EPC2: variants seen among roughly 807,000 people sequenced by gnomAD.
EPC2 encodes enhancer of polycomb 2.
EPC2 carries 14 observed loss-of-function variants against 92.1 expected under a neutral mutation model. The observed-to-expected ratio is 0.15, with a 90% CI of 0.10 to 0.24. The LOEUF (loss-of-function observed/expected upper bound fraction) is 0.24. EPC2 is among the 10% of genes least tolerant of loss of function. EPC2 has a pLI of 1.00. For synonymous variants in EPC2, 340 were observed against 334.7 expected (o/e 1.02, Z -0.17); for missense variants, 755 against 971.5 (o/e 0.78, Z 2.96).
At chr2:148,685,619 G>A (rs1458086233) in intron 1 of EPC2, among the ~76,000 whole-genome samples, 1 of 152,122 alleles carries the variant, frequency 6.6e-6, no homozygotes, top group Admixed American at 6.5e-5. Context: ...AAATTAGCCG[G>A]GTGTGGTGGC....
At chr2:148,708,854 A>G (rs994107848) in intron 2 of EPC2, among the ~76,000 whole-genome samples, 1 of 152,198 alleles carries the variant, frequency 6.6e-6, no homozygotes, top group South Asian at 2.1e-4. Context: ...TCAAAATAGT[A>G]AGAGCTATTT....
At chr2:148,672,876 G>T (rs1320108054) in intron 1 of EPC2, among the ~76,000 whole-genome samples, 1 of 152,018 alleles carries the variant, frequency 6.6e-6, no homozygotes. Context: ...TTATAGGAAG[G>T]GTCAGTAGCG....
intron 11 of EPC2, 23 bp downstream of exon 11, chr2:148,781,803 G>A: frequency 6.2e-7 from 1 of 1,612,042 alleles, no homozygotes; most frequent in Non-Finnish European, 8.5e-7. Context: ...TTTCGTCATA[G>A]TTACGTTTGT....
chr2:148,761,366 T>C (rs750294953), intron 4 of EPC2, among the ~76,000 whole-genome samples: 2 of 152,172 alleles, frequency 1.3e-5, no homozygotes, highest in Non-Finnish European at 2.9e-5. Context: ...GAGCTGGAGA[T>C]GGATGGATGA....
chr2:148,774,624 T>TATTTTTTATATATATA lies in EPC2; in HGVS notation c.1720+3237_1720+3238insATTTTTTATATATATA, dbSNP rs935978031. Among the ~76,000 whole-genome samples, 237 of 132,608 alleles carry TATTTTTTATATATATA rather than the reference T, an allele frequency of 1.8e-3. 1 individual carries two copies. Among genetic ancestry groups the TATTTTTTATATATATA allele is most frequent in the African/African-American group, 6.0e-3 (225 of 37,408 alleles). The allele number at this position is 132,608 out of a possible 152,430, so 87.0% of individuals were successfully genotyped here. A position where few individuals can be genotyped will look rare whatever the true frequency, so the allele number is the denominator to read the frequency against. On this transcript the variant is annotated intron_variant, in intron 10 of 13. Transcript: ENST00000258484. ...CCTGACTCAAAAAAAAAAATATATTTTATATATATATATATATGCATGTAC... is the reference window on the plus strand; with the variant it reads ...CCTGACTCAAAAAAAAAAATATATTTATTTTTTATATATATATATATATATATATATATGCATGTAC...
chr2:148,658,312 G>C (rs1041175195), intron 1 of EPC2, among the ~76,000 whole-genome samples: 18 of 151,944 alleles, frequency 1.2e-4, no homozygotes, highest in African/African-American at 4.1e-4. Flanking sequence ...CACCATACTC[G>C]GGGGCACCTT....
At chr2:148,699,732 T>A (rs1350044196) in intron 2 of EPC2, among the ~76,000 whole-genome samples, 2 of 152,152 alleles carry the variant, frequency 1.3e-5, no homozygotes, top group Non-Finnish European at 2.9e-5. Context: ...TGGCTGTGAG[T>A]TTTCAGCTCA....
intron 2 of EPC2, among the ~76,000 whole-genome samples, chr2:148,698,899 C>T (rs1382161384): frequency 1.4e-5 from 2 of 147,460 alleles, no homozygotes; most frequent in Admixed American, 1.3e-4. Flanking sequence ...TTCGCTTTTT[C>T]ACTGACTGTC....
chr2:148,651,721 C>G (rs1680688430), intron 1 of EPC2, among the ~76,000 whole-genome samples: 1 of 152,188 alleles, frequency 6.6e-6, no homozygotes, highest in Non-Finnish European at 1.5e-5. Flanking sequence ...TTCATCACTA[C>G]TATCTCAGCT....
chr2:148,657,407 T>A (rs370841782), intron 1 of EPC2, among the ~76,000 whole-genome samples: 1 of 152,110 alleles, frequency 6.6e-6, no homozygotes, highest in African/African-American at 2.4e-5. Flanking sequence ...TCCAAAGATA[T>A]AGGTCAGTGA....
At chr2:148,734,601 A>G (rs914091137) in intron 2 of EPC2, among the ~76,000 whole-genome samples, 2 of 152,084 alleles carry the variant, frequency 1.3e-5, no homozygotes, top group Non-Finnish European at 2.9e-5. Context: ...GCTTGCCTTT[A>G]TTGAACACAT....
intron 1 of EPC2, among the ~76,000 whole-genome samples, chr2:148,682,802 C>A (rs1223980676): frequency 1.3e-5 from 2 of 152,148 alleles, no homozygotes; most frequent in African/African-American, 4.8e-5. Flanking sequence ...ACACTGTAGT[C>A]CAATACGGCC....
intron 2 of EPC2, among the ~76,000 whole-genome samples, chr2:148,740,192 A>G (rs1682854785): frequency 6.6e-6 from 1 of 151,484 alleles, no homozygotes; most frequent in Non-Finnish European, 1.5e-5. Flanking sequence ...ATATTTTAGA[A>G]ATGCTATTTT....
intron 10 of EPC2, among the ~76,000 whole-genome samples, chr2:148,779,924 T>C (rs1225865093): frequency 6.6e-6 from 1 of 152,198 alleles, no homozygotes; most frequent in African/African-American, 2.4e-5. Flanking sequence ...TTGGGTTTAA[T>C]TTAAGATTTT....
At chr2:148,743,592 G>GAA in intron 2 of EPC2, 30 bp from the exon 3 acceptor site, 1 of 1,491,888 alleles carries the variant, frequency 6.7e-7, no homozygotes, top group Non-Finnish European at 8.9e-7. Flanking sequence ...AATTTCTCCT[G>GAA]AGTTTGAAGA....
chr2:148,694,743 C>T (rs185639842), intron 2 of EPC2, among the ~76,000 whole-genome samples: 5 of 152,222 alleles, frequency 3.3e-5, no homozygotes, highest in South Asian at 2.1e-4. Flanking sequence ...TTGTAGAACA[C>T]GAAGGAACTT....
chr2:148,646,929 G>A (rs1045005605), intron 1 of EPC2, among the ~76,000 whole-genome samples: 29 of 152,166 alleles, frequency 1.9e-4, no homozygotes, highest in African/African-American at 7.0e-4. Flanking sequence ...GGCCAGTATG[G>A]TGAAACTCCG....
At chr2:148,658,227 T>A (rs1245941882) in intron 1 of EPC2, among the ~76,000 whole-genome samples, 1 of 152,180 alleles carries the variant, frequency 6.6e-6, no homozygotes, top group African/African-American at 2.4e-5. Flanking sequence ...GAAGGAAGCT[T>A]ATGTTACACA....
chr2:148,780,414 AT>A (rs1574640062), intron 10 of EPC2, among the ~76,000 whole-genome samples: 1 of 152,144 alleles, frequency 6.6e-6, no homozygotes, highest in Non-Finnish European at 1.5e-5. Context: ...CCATAAAAAA[AT>A]TTTTTTGATT....
Sources: allele counts gnomAD v4.1 joint callset (sites outside exome capture counted in the v4.1 genomes callset), GRCh38; gene constraint gnomAD v4.1.1; transcripts MANE v1.5; gene names NCBI Gene and HGNC (gene_info 2026-07-23, HGNC 2026-07-21).